PHKA1: variants seen among roughly 807,000 people sequenced by gnomAD.
PHKA1 encodes the protein phosphorylase b kinase regulatory subunit alpha, skeletal muscle isoform.
In PHKA1, 60 loss-of-function variants were observed where a neutral mutation model predicts 110.2. The ratio of observed to expected loss-of-function variants is 0.54; its 90% confidence interval spans 0.44 to 0.68. The LOEUF (loss-of-function observed/expected upper bound fraction) is 0.68, where lower values mean the gene tolerates loss of function less well. Ranked by LOEUF, PHKA1 falls within the 30% of genes least tolerant of loss-of-function variation. The probability of loss-of-function intolerance (pLI) is 0.00; values close to 1 mark genes in which losing one functional copy is unlikely to be tolerated. For synonymous variants in PHKA1, 316 were observed against 333.6 expected, an observed-to-expected ratio of 0.95 and a Z score of 0.58; for missense variants, 801 against 942.5, an observed-to-expected ratio of 0.85 and a Z score of 1.97.
At chrX:72,622,892 G>T in intron 18 of PHKA1, 5 of 753,237 alleles carry the variant, frequency 6.6e-6, no homozygotes, top group Non-Finnish European at 7.8e-6. Flanking sequence ...TCTTAGTAAG[G>T]GACTGTCCAA....
intron 17 of PHKA1, 100 bp from the exon 18 acceptor site, chrX:72,623,375 G>T (rs1299740671): frequency 1.5e-6 from 1 of 648,552 alleles, no homozygotes; most frequent in Non-Finnish European, 2.4e-6. Flanking sequence ...TTTTGTTGGG[G>T]GATTACTAAT....
rs782303016 is a variant in PHKA1 at position 72,605,596 on chromosome X, G to A, written c.2630C>T (p.Thr877Ile). The A allele has an allele frequency of 4.2e-6, 5 of 1,204,248 alleles. No homozygotes were observed. In the African/African-American group the frequency reaches 8.7e-5, roughly 21 times the overall value. ...TTCACTGGCTTCATCTATCAGCTGA[G>A]TGAGCGCCTCATAGGGCAGAGGTCT... ...ISAPLPYEAL[T>I]QLIDEASEGD... The change falls in exon 24 of 32, where the codon ACT (threonine) becomes ATT (isoleucine). Residue 877 changes from threonine to isoleucine, a missense_variant. This residue lies in a region of PHKA1 where 502 missense variants were observed against 519.2 expected (regional missense o/e 0.97). Transcript: ENST00000373542.
Position 72,696,809 on chromosome X carries a change from A to T in PHKA1, c.286-933T>A, listed in dbSNP as rs140175094. ...GATTTTCAGGGTTCACATTTTGGTA[A>T]CCTCAAGGTGGGGTGGATTCTGAGT... is the stretch of plus-strand genomic sequence containing the variant. On this transcript the variant is annotated intron_variant, in intron 3 of 31. Coordinates refer to ENST00000373542, the MANE Select transcript of PHKA1 (RefSeq NM_002637.4). Among the ~76,000 whole-genome samples the T allele has an allele frequency of 2.4e-3, 263 of 111,028 alleles. 2 individuals are homozygous for T. Among genetic ancestry groups the T allele is most frequent in the African/African-American group, 8.5e-3 (259 of 30,522 alleles).
At chrX:72,667,601 AC>A in intron 6 of PHKA1, 128 bp from the exon 7 acceptor site, 1 of 522,464 alleles carries the variant, frequency 1.9e-6, no homozygotes, top group South Asian at 2.8e-5. Context: ...AATATATAAT[AC>A]AAAAACATTA....
intron 18 of PHKA1, 21 bp from the exon 19 acceptor site, chrX:72,620,922 G>A: frequency 8.3e-7 from 1 of 1,204,362 alleles, no homozygotes; most frequent in Non-Finnish European, 1.1e-6. Flanking sequence ...AGTGGGGGGA[G>A]GGGGAAGAGA....
chrX:72,645,018 T>G (rs1391044275), intron 13 of PHKA1, among the ~76,000 whole-genome samples: 2 of 111,658 alleles, frequency 1.8e-5, no homozygotes, highest in Non-Finnish European at 3.8e-5. Flanking sequence ...TGTGTGTTTT[T>G]TAGGCAGCAG....
At position 72,584,316 on chromosome X, in the gene PHKA1, AAAAAACCATATCACC is replaced by A. The variant is rs782173409; in HGVS notation, c.3244-29_3244-15del. The A allele has an allele frequency of 2.4e-5, 29 of 1,196,552 alleles. No homozygotes were observed. In the Admixed American group the frequency reaches 4.8e-4, roughly 20 times the overall value. On this transcript the variant is annotated splice_polypyrimidine_tract_variant and intron_variant, in intron 29 of 31. Coordinates refer to ENST00000373542, the MANE Select transcript of PHKA1 (RefSeq NM_002637.4). ...AAGTCCGTGACACTGCAAAACAGAA[AAAAAACCATATCACC>A]AAAAACCATATCACCAAGGATAGAC...
intron 6 of PHKA1, among the ~76,000 whole-genome samples, chrX:72,673,789 A>AT (rs1237390722): frequency 2.1e-4 from 22 of 106,938 alleles, no homozygotes; most frequent in South Asian, 8.2e-4. Context: ...AGGGCAATTT[A>AT]TTTTTTTTTT....
At chrX:72,704,941 T>G (rs1233775882) in intron 3 of PHKA1, among the ~76,000 whole-genome samples, 2 of 111,320 alleles carry the variant, frequency 1.8e-5, no homozygotes, top group Admixed American at 1.9e-4. Flanking sequence ...CATACACAAT[T>G]GCATGTACAG....
Position 72,580,500 on chromosome X carries a change from T to C in PHKA1, c.*502A>G, listed in dbSNP as rs782813744. The C allele has an allele frequency of 1.5e-4, 19 of 124,012 alleles. No individual in the cohort carries two copies. The highest frequency in any genetic ancestry group is 2.8e-4 in the Non-Finnish European group (17 of 60,637). The allele number at this position is 124,012 out of a possible 1,213,427, so 10.2% of individuals were successfully genotyped here. A position where few individuals can be genotyped will look rare whatever the true frequency, so the allele number is the denominator to read the frequency against. ...CTCTCTTTTCCTAAGAAAAGGCACG[T>C]AGAATAGGTAATTCTAATTTATAGC... On this transcript the variant is annotated 3_prime_UTR_variant, in exon 32 of 32. Coordinates refer to ENST00000373542, the MANE Select transcript of PHKA1 (RefSeq NM_002637.4).
At chrX:72,686,321 A>G (rs1271946322) in intron 4 of PHKA1, among the ~76,000 whole-genome samples, 3 of 112,243 alleles carry the variant, frequency 2.7e-5, no homozygotes, top group Admixed American at 1.9e-4. Context: ...CTCTCTGGAG[A>G]AACCTGTTTT....
chrX:72,588,522 AG>A (rs1375724566), intron 29 of PHKA1, among the ~76,000 whole-genome samples: 2 of 111,960 alleles, frequency 1.8e-5, no homozygotes, highest in African/African-American at 3.3e-5. Flanking sequence ...AAAGAACTAG[AG>A]AAACAAGAGC....
At chrX:72,677,846 G>C (rs1351155953) in intron 5 of PHKA1, among the ~76,000 whole-genome samples, 1 of 110,496 alleles carries the variant, frequency 9.1e-6, no homozygotes, top group Non-Finnish European at 1.9e-5. Flanking sequence ...GAGCCCAGGA[G>C]TTCGAGACCA....
At chrX:72,638,352 C>T (rs1556293058) in intron 14 of PHKA1, among the ~76,000 whole-genome samples, 1 of 85,371 alleles carries the variant, frequency 1.2e-5, no homozygotes, top group African/African-American at 4.6e-5. Context: ...CCAGCCTGGG[C>T]AACACAGTGA....
chrX:72,586,883 A>G (rs2052439721), intron 29 of PHKA1, among the ~76,000 whole-genome samples: 1 of 110,398 alleles, frequency 9.1e-6, no homozygotes, highest in Non-Finnish European at 1.9e-5. Flanking sequence ...GTGTAGACAA[A>G]AAAGGGTAAA....
At position 72,582,524 on chromosome X, in the gene PHKA1, A is replaced by G; in HGVS notation, c.3372T>C (p.Arg1124=). ...VLNRVPQPEY[R]QLLVEAILVL... Reference sequence around the variant, plus strand: ...CAAGGATGGCTTCAACCAGCAGCTGACGGTACTCTGGCTGAGGTACACGAT... The same window carrying G: ...CAAGGATGGCTTCAACCAGCAGCTGGCGGTACTCTGGCTGAGGTACACGAT... Residue 1124 remains arginine (R), a synonymous_variant, in exon 31 of 32, where the codon CGT becomes CGC. Transcript: ENST00000373542. The G allele has an allele frequency of 8.3e-7, 1 of 1,202,417 alleles. No individual in the cohort carries two copies. Among genetic ancestry groups the G allele is most frequent in the Non-Finnish European group, 1.1e-6 (1 of 886,837 alleles).
intron 29 of PHKA1, among the ~76,000 whole-genome samples, chrX:72,590,488 G>A (rs1290048787): frequency 5.4e-5 from 6 of 111,871 alleles, no homozygotes; most frequent in Non-Finnish European, 1.1e-4. Flanking sequence ...GAAAACCTAG[G>A]CAATAGGCAT....
chrX:72,704,666 C>A (rs782685719), intron 3 of PHKA1, among the ~76,000 whole-genome samples: 14 of 111,192 alleles, frequency 1.3e-4, no homozygotes, highest in Non-Finnish European at 2.6e-4. Context: ...TCACTGCAGC[C>A]TTGACCTCCC....
At chrX:72,687,439 T>C (rs2053979868) in intron 4 of PHKA1, among the ~76,000 whole-genome samples, 1 of 111,909 alleles carries the variant, frequency 8.9e-6, no homozygotes, top group Non-Finnish European at 1.9e-5. Flanking sequence ...CTTATTCATC[T>C]CTTAGATTTG....
Sources: gnomAD v4.1 joint callset for allele counts (sites outside exome capture counted in the v4.1 genomes callset) on GRCh38, gnomAD v4.1.1 for gene constraint, gnomAD v4.1.1 regional missense constraint, MANE v1.5 for transcripts, NCBI Gene and HGNC (gene_info 2026-07-23, HGNC 2026-07-21) for gene names.